The following CNTNAP2 variants were observed in gnomAD, a reference collection of about 807,000 sequenced individuals.
CNTNAP2 encodes the protein contactin-associated protein-like 2.
CNTNAP2 carries 98 observed loss-of-function variants against 155.2 expected under a neutral mutation model. That is an observed-to-expected ratio of 0.63 (90% CI 0.54 to 0.75). The LOEUF is 0.75. Among genes scored for constraint, CNTNAP2 ranks in the 30% least tolerant of loss-of-function variants. CNTNAP2 has a pLI of 0.00. For missense variants in CNTNAP2, 1,727 were observed against 1,688.1 expected (o/e 1.02, Z -0.40); for synonymous variants, 651 against 631.2 (o/e 1.03, Z -0.47).
chr7:147,504,940 G>GCA (rs376553915), intron 11 of CNTNAP2, among the ~76,000 whole-genome samples: 2 of 151,346 alleles, frequency 1.3e-5, no homozygotes, highest in African/African-American at 2.4e-5. Context: ...ACACACACAT[G>GCA]CACACACACA....
chr7:146,183,707 A>G (rs546416951), intron 1 of CNTNAP2, among the ~76,000 whole-genome samples: 2 of 152,140 alleles, frequency 1.3e-5, no homozygotes, highest in Non-Finnish European at 2.9e-5. Context: ...CCAAATTTAT[A>G]TAAGGAACAG....
chr7:147,259,815 C>T (rs867076868), intron 8 of CNTNAP2, among the ~76,000 whole-genome samples: 21 of 152,156 alleles, frequency 1.4e-4, no homozygotes, highest in Non-Finnish European at 2.9e-5. Flanking sequence ...GTAGAGAATG[C>T]TGTATTCTTT....
At chr7:146,574,230 G>C (rs563421864) in intron 1 of CNTNAP2, among the ~76,000 whole-genome samples, 2 of 151,780 alleles carry the variant, frequency 1.3e-5, no homozygotes, top group African/African-American at 4.8e-5. Context: ...AAAATAACAC[G>C]CATTTTTCTT....
intron 14 of CNTNAP2, among the ~76,000 whole-genome samples, chr7:147,936,982 G>A (rs1209807085): frequency 6.6e-6 from 1 of 152,074 alleles, no homozygotes; most frequent in Non-Finnish European, 1.5e-5. Context: ...TCCAATTATG[G>A]AGCAAGGTCA....
chr7:147,079,400 T>G (rs1385086543), intron 4 of CNTNAP2, among the ~76,000 whole-genome samples: 4 of 151,996 alleles, frequency 2.6e-5, no homozygotes, highest in Admixed American at 1.3e-4. Flanking sequence ...TTTGGGATGT[T>G]GCTCCCGTGA....
At chr7:146,468,099 G>T (rs1181761738) in intron 1 of CNTNAP2, among the ~76,000 whole-genome samples, 1 of 152,102 alleles carries the variant, frequency 6.6e-6, no homozygotes, top group African/African-American at 2.4e-5. Context: ...GGGTGCAAAA[G>T]AAAGCATAAT....
At chr7:146,517,192 T>A (rs1797553866) in intron 1 of CNTNAP2, among the ~76,000 whole-genome samples, 1 of 151,994 alleles carries the variant, frequency 6.6e-6, no homozygotes, top group Admixed American at 6.6e-5. Flanking sequence ...GTAAGCATCT[T>A]GGTTATCAGA....
chr7:147,819,068 C>T (rs1229645148), intron 13 of CNTNAP2, among the ~76,000 whole-genome samples: 1 of 152,078 alleles, frequency 6.6e-6, no homozygotes, highest in Admixed American at 6.5e-5. Flanking sequence ...GTAATTTAAG[C>T]TTGGGATAAA....
chr7:146,186,131 A>G (rs1045058144), intron 1 of CNTNAP2, among the ~76,000 whole-genome samples: 1 of 152,124 alleles, frequency 6.6e-6, no homozygotes, highest in Non-Finnish European at 1.5e-5. Flanking sequence ...ATCCCATATC[A>G]TAAAATGTGT....
chr7:146,729,465 AAAG>A (rs1313416168), intron 1 of CNTNAP2, among the ~76,000 whole-genome samples: 2 of 152,152 alleles, frequency 1.3e-5, no homozygotes, highest in African/African-American at 2.4e-5. Context: ...TAAGAAAAAA[AAAG>A]AGCTTAAGAG....
intron 10 of CNTNAP2, among the ~76,000 whole-genome samples, chr7:147,403,811 C>A (rs1040847760): frequency 6.6e-6 from 1 of 151,822 alleles, no homozygotes; most frequent in Non-Finnish European, 1.5e-5. Flanking sequence ...GGTAAGACAG[C>A]CATAGAGTAA....
chr7:147,372,315 T>C (rs1350345873), intron 9 of CNTNAP2, among the ~76,000 whole-genome samples: 1 of 152,150 alleles, frequency 6.6e-6, no homozygotes, highest in African/African-American at 2.4e-5. Flanking sequence ...CAACTATAAC[T>C]GTAAGATCAT....
chr7:147,903,253 T>C (rs776116584), intron 13 of CNTNAP2, among the ~76,000 whole-genome samples: 14 of 152,238 alleles, frequency 9.2e-5, no homozygotes, highest in Admixed American at 5.2e-4. Context: ...TTCATATGTT[T>C]GTTGGCCTTT....
chr7:146,850,159 C>T (rs1794847057), intron 3 of CNTNAP2, among the ~76,000 whole-genome samples: 1 of 152,168 alleles, frequency 6.6e-6, no homozygotes, highest in South Asian at 2.1e-4. Context: ...GACAGGCTGT[C>T]TGAAAGGTTC....
intron 15 of CNTNAP2, among the ~76,000 whole-genome samples, chr7:148,001,353 G>A (rs1801893031): frequency 1.3e-5 from 2 of 152,296 alleles, no homozygotes; most frequent in East Asian, 1.9e-4. Context: ...GCTCTACACT[G>A]CGTCGAACAG....
intron 1 of CNTNAP2, among the ~76,000 whole-genome samples, chr7:146,629,924 TA>T (rs1799482893): frequency 1.3e-5 from 2 of 152,154 alleles, no homozygotes; most frequent in Non-Finnish European, 2.9e-5. Flanking sequence ...GGATGGGGTA[TA>T]CACTGGATAG....
chr7:146,253,253 T>C (rs1041902902), intron 1 of CNTNAP2, among the ~76,000 whole-genome samples: 1 of 152,212 alleles, frequency 6.6e-6, no homozygotes, highest in Non-Finnish European at 1.5e-5. Context: ...ATTTCTCCAC[T>C]TGGAATGGCT....
At chr7:146,881,823 T>A (rs770857073) in intron 3 of CNTNAP2, among the ~76,000 whole-genome samples, 28 of 151,698 alleles carry the variant, frequency 1.8e-4, no homozygotes, top group Non-Finnish European at 3.2e-4. Flanking sequence ...TTCTACCTTT[T>A]ATTTTAGAGT....
intron 11 of CNTNAP2, among the ~76,000 whole-genome samples, chr7:147,503,555 C>T (rs1798856027): frequency 6.6e-6 from 1 of 152,110 alleles, no homozygotes; most frequent in African/African-American, 2.4e-5. Flanking sequence ...CCCTAACCTG[C>T]ACCCCAGATT....
Sources: allele counts gnomAD v4.1 joint callset (sites outside exome capture counted in the v4.1 genomes callset), GRCh38; gene constraint gnomAD v4.1.1; transcripts MANE v1.5; gene names NCBI Gene and HGNC (gene_info 2026-07-23, HGNC 2026-07-21).